The following RGL1 variants were observed in gnomAD, a reference collection of about 807,000 sequenced individuals.
RGL1 encodes ral guanine nucleotide dissociation stimulator like 1.
Under a neutral mutation model 95.2 loss-of-function variants are expected in RGL1, and 24 were observed. That is an observed-to-expected ratio of 0.25 (90% CI 0.18 to 0.35). The LOEUF (loss-of-function observed/expected upper bound fraction) is 0.35, where lower values mean the gene tolerates loss of function less well. Ranked by LOEUF, RGL1 falls within the 10% of genes least tolerant of loss-of-function variation. The pLI is 1.00. For missense variants in RGL1, 715 were observed against 936.3 expected (o/e 0.76, Z 3.08); for synonymous variants, 329 against 344.9 (o/e 0.95, Z 0.51).
Position 183,806,409 on chromosome 1 carries a change from A to G in RGL1, c.62A>G (p.Glu21Gly), listed in dbSNP as rs962719380. ...CAGGACTGGGGTGAAGAGGTAGAGG[A>G]AGGAGCTGTTTACCATGTCACCCTC... ...SIQDWGEEVEEGAVYHVTLKR... is the reference protein window; with the variant it reads ...SIQDWGEEVEGGAVYHVTLKR... The change falls in exon 2 of 18, where the codon GAA becomes GGA. Residue 21 changes from glutamate to glycine, a missense_variant. By Grantham distance (98) the Glu-to-Gly change is moderately conservative (BLOSUM62 -2). Coordinates refer to ENST00000360851, the MANE Select transcript of RGL1 (RefSeq NM_001297671.3). 1 of 1,613,938 alleles carries G rather than the reference A, an allele frequency of 6.2e-7. No homozygotes were observed. The highest frequency in any genetic ancestry group is 8.5e-7 in the Non-Finnish European group (1 of 1,179,980).
intron 4 of RGL1, among the ~76,000 whole-genome samples, chr1:183,867,953 T>G (rs2102599567): frequency 6.6e-6 from 1 of 152,334 alleles, no homozygotes; most frequent in East Asian, 1.9e-4. Context: ...TTTACAGTTT[T>G]GTTCAGTGGA....
intron 2 of RGL1, among the ~76,000 whole-genome samples, chr1:183,844,940 C>T (rs114374149): frequency 6.6e-6 from 1 of 152,310 alleles, no homozygotes; most frequent in Non-Finnish European, 1.5e-5. Context: ...GACATGATGA[C>T]ATTAAGCTAT....
At chr1:183,796,556 G>T (rs76420234) in intron 2 of RGL1, among the ~76,000 whole-genome samples, 2,641 of 152,248 alleles carry the variant, frequency 0.017, 69 homozygotes, top group African/African-American at 0.059. Context: ...AGGTGTTAAA[G>T]ACCTTGCCTC....
At chr1:183,810,811 G>A (rs923593547) in intron 2 of RGL1, among the ~76,000 whole-genome samples, 3 of 152,188 alleles carry the variant, frequency 2.0e-5, no homozygotes, top group Admixed American at 6.5e-5. Flanking sequence ...ACTTCTGGGA[G>A]CCTTCTCTAA....
At chr1:183,643,116 C>T (rs1650039368) in intron 1 of RGL1, among the ~76,000 whole-genome samples, 2 of 152,070 alleles carry the variant, frequency 1.3e-5, no homozygotes, top group African/African-American at 2.4e-5. Flanking sequence ...TTTTTAAAGC[C>T]GAATAATATT....
chr1:183,839,091 G>C (rs1663859433), intron 2 of RGL1, among the ~76,000 whole-genome samples: 1 of 152,184 alleles, frequency 6.6e-6, no homozygotes, highest in Non-Finnish European at 1.5e-5. Flanking sequence ...GTATGAATTT[G>C]CCACATGTGC....
intron 2 of RGL1, among the ~76,000 whole-genome samples, chr1:183,835,318 T>A (rs1417342648): frequency 6.6e-6 from 1 of 152,204 alleles, no homozygotes; most frequent in Non-Finnish European, 1.5e-5. Flanking sequence ...TCTGCTTTCA[T>A]TTCCCTTTAT....
chr1:183,659,084 A>G (rs1185035083), intron 1 of RGL1, among the ~76,000 whole-genome samples: 1 of 152,120 alleles, frequency 6.6e-6, no homozygotes, highest in Non-Finnish European at 1.5e-5. Flanking sequence ...GACCAAAAGT[A>G]GATAAAACCA....
intron 2 of RGL1, among the ~76,000 whole-genome samples, chr1:183,828,708 A>G (rs1167127163): frequency 6.6e-6 from 1 of 152,242 alleles, no homozygotes; most frequent in Non-Finnish European, 1.5e-5. Flanking sequence ...AGACACAACC[A>G]AAGATAATGA....
At chr1:183,850,434 G>A (rs551587410) in intron 3 of RGL1, among the ~76,000 whole-genome samples, 1 of 152,212 alleles carries the variant, frequency 6.6e-6, no homozygotes, top group South Asian at 2.1e-4. Flanking sequence ...TCCAATATAA[G>A]TAAGGTTATT....
chr1:183,684,195 A>C (rs1653409890), intron 1 of RGL1, among the ~76,000 whole-genome samples: 1 of 152,032 alleles, frequency 6.6e-6, no homozygotes, highest in Non-Finnish European at 1.5e-5. Flanking sequence ...TTCTCCATCC[A>C]GTTTTGTTCC....
chr1:183,718,954 CA>C (rs1343733264), intron 1 of RGL1, among the ~76,000 whole-genome samples: 1 of 151,936 alleles, frequency 6.6e-6, no homozygotes, highest in African/African-American at 2.4e-5. Context: ...CGAACAAACA[CA>C]AAAAGCACCT....
At chr1:183,684,649 T>C (rs1295233602) in intron 1 of RGL1, among the ~76,000 whole-genome samples, 1 of 152,216 alleles carries the variant, frequency 6.6e-6, no homozygotes, top group Non-Finnish European at 1.5e-5. Flanking sequence ...AAAAAACTTC[T>C]GCAGCTAGCT....
chr1:183,875,794 G>T (rs558554213), intron 4 of RGL1, among the ~76,000 whole-genome samples: 1 of 147,746 alleles, frequency 6.8e-6, no homozygotes, highest in East Asian at 2.0e-4. Context: ...CAGGAGAATC[G>T]CTTGAACCTG....
In RGL1 at chr1:183,796,720, C is replaced by G. The variant is rs145336238; in HGVS notation, c.133-9655C>G. ...GAAAAAGGAGATTCCTTCAGTCCCA[C>G]AAAGAGATATGATTTAGCTAATTGC... On this transcript the variant is annotated intron_variant, in intron 2 of 18. Coordinates refer to the RGL1 transcript ENST00000304685. Among the ~76,000 whole-genome samples the G allele has an allele frequency of 5.2e-3, 786 of 152,224 alleles. 3 individuals carry two copies. Among genetic ancestry groups the G allele is most frequent in the Non-Finnish European group, 7.1e-3 (481 of 68,020 alleles).
intron 1 of RGL1, among the ~76,000 whole-genome samples, chr1:183,725,972 A>G (rs1656290769): frequency 6.6e-6 from 1 of 152,212 alleles, no homozygotes; most frequent in Non-Finnish European, 1.5e-5. Flanking sequence ...TTTTCTGACT[A>G]CAAGGGAATA....
At chr1:183,712,671 T>C (rs947373256) in intron 1 of RGL1, among the ~76,000 whole-genome samples, 4 of 152,210 alleles carry the variant, frequency 2.6e-5, no homozygotes, top group African/African-American at 7.2e-5. Context: ...TGGTAAGTCA[T>C]ATGATAATTT....
At chr1:183,889,947 G>C (rs1667323668) in intron 8 of RGL1, among the ~76,000 whole-genome samples, 1 of 151,440 alleles carries the variant, frequency 6.6e-6, no homozygotes, top group South Asian at 2.1e-4. Flanking sequence ...GTGTATTAAA[G>C]AGAGATTAGT....
chr1:183,766,311 T>G (rs1381880293), intron 2 of RGL1, among the ~76,000 whole-genome samples: 1 of 152,002 alleles, frequency 6.6e-6, no homozygotes, highest in African/African-American at 2.4e-5. Context: ...TGATAAGGTT[T>G]GGGATCAAAA....
Sources: allele counts gnomAD v4.1 joint callset (sites outside exome capture counted in the v4.1 genomes callset), GRCh38; gene constraint gnomAD v4.1.1; transcripts MANE v1.5; gene names NCBI Gene and HGNC (gene_info 2026-07-23, HGNC 2026-07-21).